The following EIF2AK3 variants were observed in gnomAD, a reference collection of about 807,000 sequenced individuals.
EIF2AK3 encodes the protein eukaryotic translation initiation factor 2-alpha kinase 3.
EIF2AK3 carries 50 observed loss-of-function variants against 113.5 expected under a neutral mutation model. The ratio of observed to expected loss-of-function variants is 0.44; its 90% CI spans 0.35 to 0.56. The LOEUF is 0.56. EIF2AK3 is among the 20% of genes least tolerant of loss of function. The probability of loss-of-function intolerance (pLI) is 0.00; values close to 1 mark genes in which losing one functional copy is unlikely to be tolerated. For missense variants in EIF2AK3, 1,185 were observed against 1,378.0 expected (o/e 0.86, Z 2.22); for synonymous variants, 448 against 495.4 (o/e 0.90, Z 1.27).
intron 14 of EIF2AK3, among the ~76,000 whole-genome samples, chr2:88,570,317 G>A (rs1225940242): frequency 6.6e-6 from 1 of 152,190 alleles, no homozygotes; most frequent in Non-Finnish European, 1.5e-5. Flanking sequence ...GCCTGGTGGT[G>A]GCTGAGCATG....
intron 11 of EIF2AK3, among the ~76,000 whole-genome samples, 155 bp from the exon 12 acceptor site, chr2:88,576,858 AAAGT>A (rs768531915): frequency 2.4e-4 from 36 of 152,246 alleles, no homozygotes; most frequent in Non-Finnish European, 4.6e-4. Flanking sequence ...AAAAAGAGAG[AAAGT>A]AAGACAACAC....
At chr2:88,610,597 A>G (rs932666570) in intron 2 of EIF2AK3, among the ~76,000 whole-genome samples, 1 of 152,236 alleles carries the variant, frequency 6.6e-6, no homozygotes, top group Admixed American at 6.5e-5. Flanking sequence ...CGCGGATACA[A>G]CTGTTTTCTA....
intron 13 of EIF2AK3, 142 bp downstream of exon 13, chr2:88,574,524 C>T: frequency 6.9e-6 from 7 of 1,020,496 alleles, no homozygotes; most frequent in South Asian, 4.5e-5. Flanking sequence ...CAGGCCCCTT[C>T]GAGGCTACTT....
At chr2:88,597,268 C>T (rs962186166) in intron 2 of EIF2AK3, among the ~76,000 whole-genome samples, 3 of 151,986 alleles carry the variant, frequency 2.0e-5, no homozygotes, top group Admixed American at 2.0e-4. Flanking sequence ...TTATTATTTT[C>T]CAGTTCAAAT....
intron 2 of EIF2AK3, among the ~76,000 whole-genome samples, chr2:88,612,410 TAAG>T (rs1201615382): frequency 6.6e-6 from 1 of 152,238 alleles, no homozygotes; most frequent in Non-Finnish European, 1.5e-5. Context: ...AAGTTTATCT[TAAG>T]TAGTAATTCA....
chr2:88,603,875 T>C lies in EIF2AK3; in HGVS notation c.439-8212A>G, dbSNP rs190076781. 4.6e-5 allele frequency among the ~76,000 whole-genome samples: 7 copies of C among 152,306 alleles called. No homozygotes were observed. In the East Asian group the frequency reaches 1.3e-3, roughly 29 times the overall value. Reference sequence around the variant, plus strand: ...TTTAGCATCTCTGCTTGGAGAGCTCTCATGGTCTCTCCCAACTCATATCTA... The same window carrying C: ...TTTAGCATCTCTGCTTGGAGAGCTCCCATGGTCTCTCCCAACTCATATCTA... On this transcript the variant is annotated intron_variant, in intron 2 of 16. Coordinates refer to ENST00000303236, the MANE Select transcript of EIF2AK3 (RefSeq NM_004836.7).
intron 10 of EIF2AK3, among the ~76,000 whole-genome samples, chr2:88,580,275 CTG>C (rs1404119999): frequency 6.6e-6 from 1 of 152,210 alleles, no homozygotes; most frequent in Admixed American, 6.5e-5. Context: ...CTGACCTGCA[CTG>C]TATCATCCAG....
intron 2 of EIF2AK3, chr2:88,595,917 A>G: frequency 1.9e-6 from 1 of 526,990 alleles, no homozygotes; most frequent in Non-Finnish European, 3.4e-6. Flanking sequence ...GATTTTTCTC[A>G]AACTCAGTTT....
In EIF2AK3 at chr2:88,597,578, A is replaced by G. The variant is rs1241832999; in HGVS notation, c.439-1915T>C. On this transcript the variant is annotated intron_variant, in intron 2 of 16. Transcript: ENST00000303236. ...AAATCAGGCATGGTTATTTAAACAC[A>G]ACATTTAAAGTTACTGATATTGTTC... Among the ~76,000 whole-genome samples, 3 of 152,310 alleles carry G rather than the reference A, an allele frequency of 2.0e-5. No individual in the cohort carries two copies. In the East Asian group the frequency reaches 5.8e-4, roughly 29 times the overall value.
At chr2:88,560,983 T>C (rs1413510881) in intron 15 of EIF2AK3, among the ~76,000 whole-genome samples, 2 of 152,122 alleles carry the variant, frequency 1.3e-5, no homozygotes, top group African/African-American at 4.8e-5. Context: ...TTATGAAAGA[T>C]AGGGAAGAAT....
intron 2 of EIF2AK3, among the ~76,000 whole-genome samples, chr2:88,601,834 C>CTTTTTT (rs59987968): frequency 1.1e-4 from 8 of 74,834 alleles, no homozygotes; most frequent in African/African-American, 1.6e-4. Flanking sequence ...TAAGATTTTT[C>CTTTTTT]TTTTTTTTTT....
At chr2:88,572,762 T>G (rs1010505256) in intron 13 of EIF2AK3, among the ~76,000 whole-genome samples, 5 of 152,212 alleles carry the variant, frequency 3.3e-5, no homozygotes. Flanking sequence ...TATGACCATC[T>G]AGAACATTCA....
At position 88,566,143 on chromosome 2, in the gene EIF2AK3, T is replaced by C. The variant is rs530291056; in HGVS notation, c.2986-3753A>G. Among the ~76,000 whole-genome samples, 44 of 152,316 alleles carry C rather than the reference T, an allele frequency of 2.9e-4. 1 individual carries two copies. The highest frequency in any genetic ancestry group is 1.1e-3 in the African/African-American group (44 of 41,574). On this transcript the variant is annotated intron_variant, in intron 14 of 16. Transcript: ENST00000303236. Reference sequence around the variant, plus strand: ...TGTTTCACCAGTATCAATTCTTATGTTTGTTTTCCATCTTCTTGGCTCCTC... The same window carrying C: ...TGTTTCACCAGTATCAATTCTTATGCTTGTTTTCCATCTTCTTGGCTCCTC...
At chr2:88,620,748 A>G (rs889682886) in intron 1 of EIF2AK3, among the ~76,000 whole-genome samples, 3 of 152,202 alleles carry the variant, frequency 2.0e-5, no homozygotes, top group African/African-American at 7.2e-5. Context: ...ATAACTTGCC[A>G]CTTCCATTCT....
Position 88,579,545 on chromosome 2 carries a change from G to A in EIF2AK3, c.1859C>T (p.Ala620Val), listed in dbSNP as rs763275495. 6.2e-7 allele frequency: 1 copy of A among 1,613,754 alleles called. No homozygotes were observed. Among genetic ancestry groups the A allele is most frequent in the Non-Finnish European group, 8.5e-7 (1 of 1,179,798 alleles). ...ATTGGGGAGACGGATCCTCTTGATA[G>A]CATAATTGCAGTCATCTACTTTGTT... is the stretch of plus-strand genomic sequence containing the variant. ...AKNKVDDCNY[A>V]IKRIRLPNRE... The change falls in exon 11 of 17, where the codon GCT becomes GTT. Residue 620 changes from alanine to valine, a missense_variant. This residue lies in a region of EIF2AK3 where 877 missense variants were observed against 1,024.2 expected (regional missense o/e 0.86). Coordinates refer to ENST00000303236, the MANE Select transcript of EIF2AK3 (RefSeq NM_004836.7).
chr2:88,576,754 T>G, intron 11 of EIF2AK3, 51 bp from the exon 12 acceptor site: 1 of 1,595,530 alleles, frequency 6.3e-7, no homozygotes, highest in Non-Finnish European at 8.6e-7. Flanking sequence ...TACACTGATT[T>G]GATCTTTACA....
In EIF2AK3 at chr2:88,570,964, A is replaced by C; in HGVS notation, c.2895T>G (p.Asp965Glu). The change falls in exon 14 of 17, where the codon GAT (aspartate) becomes GAG (glutamate). Residue 965 changes from aspartate (D) to glutamate (E), a missense_variant. Asp to Glu is a conservative substitution (Grantham distance 45, BLOSUM62 2). Around this residue, in one of 3 missense-constraint regions of EIF2AK3, gnomAD observed 877 missense variants for 1,024.2 expected, o/e 0.86. Transcript: ENST00000303236. ...DFGLVTAMDQ[D>E]EEEQTVLTPM... The stretch of plus-strand genomic sequence containing the variant: ...GGGTCAGAACCGTCTGCTCTTCCTC[A>C]TCCTGGTCCATTGCAGTCACTAACC... 6.2e-7 allele frequency: 1 copy of C among 1,614,152 alleles called. No individual in the cohort carries two copies. The highest frequency in any genetic ancestry group is 1.3e-5 in the African/African-American group (1 of 75,046).
intron 6 of EIF2AK3, 152 bp downstream of exon 6, chr2:88,590,291 A>AAATCGAAGT (rs1674849453): frequency 7.6e-6 from 6 of 787,164 alleles, no homozygotes; most frequent in Non-Finnish European, 1.2e-5. Flanking sequence ...GCAGGAATGG[A>AAATCGAAGT]AATCGAAGTA....
At chr2:88,604,000 C>T (rs1175424768) in intron 2 of EIF2AK3, among the ~76,000 whole-genome samples, 1 of 152,152 alleles carries the variant, frequency 6.6e-6, no homozygotes, top group Non-Finnish European at 1.5e-5. Flanking sequence ...TCTTTTGAAT[C>T]TGTCACTTTA....
Sources: allele counts gnomAD v4.1 joint callset (sites outside exome capture counted in the v4.1 genomes callset), GRCh38; gene constraint gnomAD v4.1.1; regional missense constraint gnomAD v4.1.1; transcripts MANE v1.5; gene names NCBI Gene and HGNC (gene_info 2026-07-23, HGNC 2026-07-21).